The following GALNT5 variants were observed in gnomAD, a reference collection of about 807,000 sequenced individuals.
GALNT5 encodes UDP-GalNAc:polypeptide N-acetylgalactosaminyltransferase 5.
In GALNT5, 72 loss-of-function variants were observed where a neutral mutation model predicts 85.4. That is an observed-to-expected ratio of 0.84 (90% confidence interval 0.70 to 1.03). GALNT5 has a LOEUF of 1.03. Among genes scored for constraint, GALNT5 ranks in the 50% least tolerant of loss-of-function variants. GALNT5 has a pLI of 0.00. For missense variants in GALNT5, 1,137 were observed against 1,135.5 expected, an observed-to-expected ratio of 1.00 and a Z score of -0.02; for synonymous variants, 404 against 397.0, an observed-to-expected ratio of 1.02 and a Z score of -0.21.
chr2:157,305,243 T>C (rs141195606), intron 7 of GALNT5, among the ~76,000 whole-genome samples: 53 of 152,284 alleles, frequency 3.5e-4, no homozygotes, highest in African/African-American at 1.3e-3. Flanking sequence ...GAATTGTAGC[T>C]TGCTTGGGTC....
rs1173588792 is a variant in GALNT5 at position 157,317,339 on chromosome 2, G to C, written c.*5991G>C. On this transcript the variant is annotated 3_prime_UTR_variant, in exon 10 of 10. Transcript: ENST00000259056. Reference sequence around the variant, plus strand: ...TCTGCATCTGGCCTTCTGCACAAAAGTATCTCAAGTGAACTTACACTCTGG... The same window carrying C: ...TCTGCATCTGGCCTTCTGCACAAAACTATCTCAAGTGAACTTACACTCTGG... Among the ~76,000 whole-genome samples, 2 of 151,944 alleles carry C rather than the reference G, an allele frequency of 1.3e-5. No homozygotes were observed. Among genetic ancestry groups the C allele is most frequent in the Admixed American group, 1.3e-4 (2 of 15,238 alleles).
chr2:157,303,495 C>T (rs752762043), intron 7 of GALNT5, among the ~76,000 whole-genome samples: 1 of 146,952 alleles, frequency 6.8e-6, no homozygotes, highest in Non-Finnish European at 1.5e-5. Context: ...TCATACACTG[C>T]CTATTTTTTT....
chr2:157,316,646 A>G lies in GALNT5; in HGVS notation c.*5298A>G, dbSNP rs1034393782. 1.3e-5 allele frequency among the ~76,000 whole-genome samples: 2 copies of G among 152,182 alleles called. No individual in the cohort carries two copies. Among genetic ancestry groups the G allele is most frequent in the African/African-American group, 4.8e-5 (2 of 41,442 alleles). On this transcript the variant is annotated 3_prime_UTR_variant, in exon 10 of 10. Transcript: ENST00000259056. ...AAAAAATTAACCAGAGATATTGTAC[A>G]AAATATTTATTTTTTGACAGTTTTG...
At chr2:157,284,629 T>C (rs569422794) in intron 2 of GALNT5, among the ~76,000 whole-genome samples, 181 bp downstream of exon 2, 3 of 152,380 alleles carry the variant, frequency 2.0e-5, no homozygotes, top group Non-Finnish European at 4.4e-5. Flanking sequence ...TTAAAAGTCA[T>C]CTGGAGCTCT....
At chr2:157,276,114 G>A (rs141209440) in intron 1 of GALNT5, among the ~76,000 whole-genome samples, 1,767 of 152,142 alleles carry the variant, frequency 0.012, 35 homozygotes, top group African/African-American at 0.04. Context: ...TTTATGTGAC[G>A]GATTACATTT....
chr2:157,300,849 C>T lies in GALNT5; in HGVS notation c.2289C>T (p.His763=), dbSNP rs3214040. Reference sequence around the variant, plus strand: ...AGTATAAGGAGCTGTTCTATGGCCACGGAGACCACCTCATCGACCAAGGGC... The same window carrying T: ...AGTATAAGGAGCTGTTCTATGGCCATGGAGACCACCTCATCGACCAAGGGC... ...LDEYKELFYG[H]GDHLIDQGLD... is the part of the protein sequence containing the mutation. Residue 763 remains histidine (H), a synonymous_variant, in exon 7 of 10, where the codon CAC becomes CAT. Coordinates refer to ENST00000259056, the MANE Select transcript of GALNT5 (RefSeq NM_014568.3). The T allele has an allele frequency of 0.89, 1,440,844 of 1,613,762 alleles. 647,860 individuals are homozygous for T. The highest frequency in any genetic ancestry group is 0.94 in the Middle Eastern group (5,671 of 6,062).
At position 157,259,515 on chromosome 2, in the gene GALNT5, T is replaced by C. The variant is rs764741645; in HGVS notation, c.1433T>C (p.Ile478Thr). The change falls in exon 1 of 10, where the codon ATT becomes ACT. Residue 478 changes from isoleucine to threonine, a missense_variant. By Grantham distance (89) the Ile-to-Thr change is moderately conservative (BLOSUM62 -1). Coordinates refer to ENST00000259056, the MANE Select transcript of GALNT5 (RefSeq NM_014568.3). ...GATTTGATCCCAGTGGATAGAGCCA[T>C]TGAAGACACCAGACCTGCTGGGTAA... ...LSDLIPVDRA[I>T]EDTRPAGCAE... 2.9e-6 allele frequency: 4 copies of C among 1,381,020 alleles called. No homozygotes were observed. The highest frequency in any genetic ancestry group is 1.9e-6 in the Non-Finnish European group (2 of 1,058,440). The allele number at this position is 1,381,020 out of a possible 1,614,324, so 85.5% of individuals were successfully genotyped here. A position where few individuals can be genotyped will look rare whatever the true frequency, so the allele number is the denominator to read the frequency against.
chr2:157,262,730 A>T (rs971459710), intron 1 of GALNT5, among the ~76,000 whole-genome samples: 2 of 149,774 alleles, frequency 1.3e-5, no homozygotes, highest in African/African-American at 5.0e-5. Flanking sequence ...CTAAAATCAG[A>T]TTCTCTTTTC....
intron 1 of GALNT5, among the ~76,000 whole-genome samples, chr2:157,272,498 A>C (rs1377607935): frequency 6.6e-6 from 1 of 152,158 alleles, no homozygotes; most frequent in African/African-American, 2.4e-5. Context: ...CATAGTACTC[A>C]ACAGTTAGTT....
chr2:157,307,446 G>A (rs905850211), intron 8 of GALNT5, among the ~76,000 whole-genome samples: 8 of 152,138 alleles, frequency 5.3e-5, no homozygotes, highest in Non-Finnish European at 1.0e-4. Context: ...TTTTTTCAAG[G>A]TAATATCTAG....
At chr2:157,286,588 C>T (rs1452908363) in intron 3 of GALNT5, among the ~76,000 whole-genome samples, 2 of 152,148 alleles carry the variant, frequency 1.3e-5, no homozygotes, top group African/African-American at 2.4e-5. Flanking sequence ...ACCACAACCT[C>T]CGCCTCCCTC....
intron 5 of GALNT5, chr2:157,298,918 T>C (rs957714100): frequency 6.9e-6 from 1 of 145,914 alleles, no homozygotes; most frequent in African/African-American, 2.6e-5. Flanking sequence ...AGAGCGCAGC[T>C]ACTCATATAC....
intron 1 of GALNT5, among the ~76,000 whole-genome samples, chr2:157,267,613 CCTCTT>C (rs1558890267): frequency 6.6e-6 from 1 of 152,210 alleles, no homozygotes; most frequent in Non-Finnish European, 1.5e-5. Context: ...ACCACCTCCT[CCTCTT>C]CTCCCTGCCG....
chr2:157,279,297 GGC>G (rs1682806399), intron 1 of GALNT5, among the ~76,000 whole-genome samples: 1 of 152,238 alleles, frequency 6.6e-6, no homozygotes, highest in African/African-American at 2.4e-5. Context: ...CACTTGAGGA[GGC>G]AGTCTGTCCA....
chr2:157,280,534 G>T (rs1682833620), intron 1 of GALNT5, among the ~76,000 whole-genome samples: 1 of 152,222 alleles, frequency 6.6e-6, no homozygotes. Context: ...AAATGTGACA[G>T]AATATGTTAC....
Position 157,257,757 on chromosome 2 carries a change from G to A in GALNT5, c.-326G>A, listed in dbSNP as rs1056104396. 10 of 249,280 alleles carry A rather than the reference G, an allele frequency of 4.0e-5. No homozygotes were observed. Among genetic ancestry groups the A allele is most frequent in the Admixed American group, 3.9e-4 (8 of 20,346 alleles). 15.4% of individuals were successfully genotyped at this position (249,280 alleles called of 1,614,324 possible). On this transcript the variant is annotated 5_prime_UTR_variant, in exon 1 of 10. Coordinates refer to ENST00000259056, the MANE Select transcript of GALNT5 (RefSeq NM_014568.3). The stretch of plus-strand genomic sequence containing the variant: ...TGTAGGAAGGTGGACATGGGCTCCC[G>A]GAGACAAGACAAGTGATATGTTGAA...
At chr2:157,271,654 G>T (rs574941764) in intron 1 of GALNT5, among the ~76,000 whole-genome samples, 4 of 152,318 alleles carry the variant, frequency 2.6e-5, no homozygotes, top group East Asian at 3.8e-4. Flanking sequence ...GCAGCAAGGT[G>T]GGTGGCGATG....
chr2:157,271,715 C>G (rs557033898), intron 1 of GALNT5, among the ~76,000 whole-genome samples: 56 of 152,180 alleles, frequency 3.7e-4, no homozygotes, highest in African/African-American at 1.3e-3. Context: ...GGGGTGAAGT[C>G]AAGGTTTCTG....
At chr2:157,297,385 G>C (rs575222818) in intron 5 of GALNT5, among the ~76,000 whole-genome samples, 1 of 152,266 alleles carries the variant, frequency 6.6e-6, no homozygotes, top group East Asian at 1.9e-4. Context: ...CCTAACTCTA[G>C]GAGGGAGGTG....
Sources: gnomAD v4.1 joint callset for allele counts (sites outside exome capture counted in the v4.1 genomes callset) on GRCh38, gnomAD v4.1.1 for gene constraint, MANE v1.5 for transcripts, NCBI Gene and HGNC (gene_info 2026-07-23, HGNC 2026-07-21) for gene names.